The following RASGRP1 variants were observed in gnomAD, a reference collection of about 807,000 sequenced individuals.
RASGRP1 encodes the protein RAS guanyl releasing protein 1.
In RASGRP1, 37 loss-of-function variants were observed where a neutral mutation model predicts 95.1. The observed-to-expected ratio is 0.39, with a 90% CI of 0.30 to 0.51. The LOEUF (loss-of-function observed/expected upper bound fraction) is 0.51. Ranked by LOEUF, RASGRP1 falls within the 20% of genes least tolerant of loss-of-function variation. The pLI, the probability that RASGRP1 is intolerant of heterozygous loss-of-function variation, is 0.80. For synonymous variants in RASGRP1, 325 were observed against 353.4 expected (o/e 0.92, Z 0.90); for missense variants, 711 against 965.4 (o/e 0.74, Z 3.49).
At chr15:38,506,659 T>C (rs961166468) in intron 9 of RASGRP1, among the ~76,000 whole-genome samples, 1 of 113,692 alleles carries the variant, frequency 8.8e-6, no homozygotes, top group Non-Finnish European at 1.9e-5. Context: ...AAAAAAAAAA[T>C]AGTGAGTTTC....
chr15:38,545,705 T>TA (rs1893079897), intron 2 of RASGRP1, among the ~76,000 whole-genome samples: 1 of 152,130 alleles, frequency 6.6e-6, no homozygotes, highest in Admixed American at 6.5e-5. Context: ...GACACATACA[T>TA]ACACAGAACA....
rs1282917057 is a variant in RASGRP1, at chr15:38,560,368, AATT to A, written c.36-366_36-364del. The A allele has an allele frequency of 1.9e-5, 5 of 259,470 alleles. No individual in the cohort carries two copies. The Admixed American group carries it at 2.0e-4, about 11-fold the overall frequency. The allele number at this position is 259,470 out of a possible 1,614,324, so 16.1% of individuals were successfully genotyped here. On this transcript the variant is annotated intron_variant, in intron 1 of 16. Coordinates refer to ENST00000310803, the MANE Select transcript of RASGRP1 (RefSeq NM_005739.4). ...CTAAGCCACTGACTTGAATCTTAAA[AATT>A]ATTTACATTGGTTTCTTTGGCTAAC...
intron 14 of RASGRP1, among the ~76,000 whole-genome samples, chr15:38,499,446 T>A (rs1335447322): frequency 6.6e-6 from 1 of 152,164 alleles, no homozygotes; most frequent in East Asian, 1.9e-4. Flanking sequence ...CACCCTTCCA[T>A]GACTATATGA....
chr15:38,498,664 G>A, intron 15 of RASGRP1, 130 bp downstream of exon 15: 1 of 1,151,982 alleles, frequency 8.7e-7, no homozygotes, highest in South Asian at 1.6e-5. Flanking sequence ...TGTGGGAGGG[G>A]TCAGCCCTGG....
chr15:38,542,893 G>GTA (rs1482696465), intron 2 of RASGRP1, among the ~76,000 whole-genome samples: 4 of 131,660 alleles, frequency 3.0e-5, no homozygotes, highest in African/African-American at 1.1e-4. Flanking sequence ...ACACATATAT[G>GTA]TGTATATATA....
At chr15:38,508,145 C>T (rs1891340194) in intron 8 of RASGRP1, 144 bp from the exon 9 acceptor site, 1 of 824,882 alleles carries the variant, frequency 1.2e-6, no homozygotes, top group South Asian at 1.8e-5. Flanking sequence ...GTAAAAGGTA[C>T]AGATTATGAC....
chr15:38,501,806 A>T (rs1479172415), intron 12 of RASGRP1, among the ~76,000 whole-genome samples: 1 of 152,090 alleles, frequency 6.6e-6, no homozygotes, highest in Non-Finnish European at 1.5e-5. Context: ...TCTTATTTAT[A>T]GTTGACTATT....
At chr15:38,545,053 T>G (rs1352956875) in intron 2 of RASGRP1, among the ~76,000 whole-genome samples, 3 of 152,242 alleles carry the variant, frequency 2.0e-5, no homozygotes, top group African/African-American at 7.2e-5. Context: ...AGATTTAAAT[T>G]TGTTTACCCT....
At chr15:38,548,595 A>G (rs963117087) in intron 2 of RASGRP1, among the ~76,000 whole-genome samples, 4 of 151,970 alleles carry the variant, frequency 2.6e-5, no homozygotes, top group African/African-American at 7.3e-5. Context: ...ATGGAAAATT[A>G]TAAGCATGTA....
At chr15:38,523,178 G>C (rs1341480925) in intron 3 of RASGRP1, among the ~76,000 whole-genome samples, 1 of 152,162 alleles carries the variant, frequency 6.6e-6, no homozygotes, top group African/African-American at 2.4e-5. Flanking sequence ...AACTGAAATT[G>C]ACCATGAAAA....
chr15:38,520,541 T>C (rs1417730339), intron 3 of RASGRP1, among the ~76,000 whole-genome samples: 1 of 152,218 alleles, frequency 6.6e-6, no homozygotes, highest in Admixed American at 6.5e-5. Flanking sequence ...AAACTTCAAT[T>C]TGCAATATAT....
At chr15:38,493,556 A>G (rs192971223) in intron 16 of RASGRP1, among the ~76,000 whole-genome samples, 133 of 152,236 alleles carry the variant, frequency 8.7e-4, no homozygotes, top group African/African-American at 3.1e-3. Context: ...TTTCCTTGGT[A>G]AACTTTATTT....
chr15:38,540,506 G>C (rs1380631294), intron 2 of RASGRP1, among the ~76,000 whole-genome samples: 1 of 152,208 alleles, frequency 6.6e-6, no homozygotes, highest in East Asian at 1.9e-4. Flanking sequence ...GCAGACCTGA[G>C]GGCATGTGGG....
chr15:38,514,669 T>C (rs898224966), intron 6 of RASGRP1, among the ~76,000 whole-genome samples: 3 of 152,104 alleles, frequency 2.0e-5, no homozygotes, highest in Non-Finnish European at 4.4e-5. Context: ...TCAAAAGAAA[T>C]GAAGGTTGAA....
intron 9 of RASGRP1, 141 bp from the exon 10 acceptor site, chr15:38,506,061 G>T: frequency 1.6e-6 from 1 of 626,890 alleles, no homozygotes; most frequent in South Asian, 2.0e-5. Context: ...TCACAAAACA[G>T]GTATAACACC....
chr15:38,525,139 CA>C (rs1394126712), intron 3 of RASGRP1, among the ~76,000 whole-genome samples: 1 of 151,636 alleles, frequency 6.6e-6, no homozygotes, highest in African/African-American at 2.4e-5. Flanking sequence ...GGCTAATTTT[CA>C]TATTTTTAGT....
intron 9 of RASGRP1, among the ~76,000 whole-genome samples, chr15:38,506,942 G>C (rs1352329821): frequency 6.6e-6 from 1 of 152,154 alleles, no homozygotes; most frequent in Non-Finnish European, 1.5e-5. Context: ...TAAGTGAAAG[G>C]GCTAGGATCA....
chr15:38,554,993 C>A (rs1181599879), intron 2 of RASGRP1, among the ~76,000 whole-genome samples: 1 of 152,220 alleles, frequency 6.6e-6, no homozygotes, highest in Admixed American at 6.5e-5. Context: ...GATGTCATGG[C>A]CCTTGGCTTC....
At chr15:38,499,280 T>C (rs1890918074) in intron 14 of RASGRP1, 1 of 410,644 alleles carries the variant, frequency 2.4e-6, no homozygotes, top group South Asian at 2.1e-5. Flanking sequence ...TTATTTTCTT[T>C]CTTGCAGTAA....
Sources: gnomAD v4.1 joint callset for allele counts (sites outside exome capture counted in the v4.1 genomes callset) on GRCh38, gnomAD v4.1.1 for gene constraint, MANE v1.5 for transcripts, NCBI Gene and HGNC (gene_info 2026-07-23, HGNC 2026-07-21) for gene names.